GRIN2B: variants seen among roughly 807,000 people sequenced by gnomAD.
GRIN2B encodes the protein glutamate receptor ionotropic, NMDA 2B.
In GRIN2B, 5 loss-of-function variants were observed where a neutral mutation model predicts 114.5. The ratio of observed to expected loss-of-function variants is 0.04; its 90% CI spans 0.02 to 0.09. The LOEUF is 0.09. GRIN2B is among the 10% of genes least tolerant of loss of function. GRIN2B has a pLI of 1.00. For synonymous variants in GRIN2B, 787 were observed against 745.1 expected, an observed-to-expected ratio of 1.06 and a Z score of -0.92; for missense variants, 1,108 against 1,943.5, an observed-to-expected ratio of 0.57 and a Z score of 8.08.
chr12:13,772,967 T>C (rs752800673), intron 3 of GRIN2B, among the ~76,000 whole-genome samples: 1 of 152,170 alleles, frequency 6.6e-6, no homozygotes, highest in Admixed American at 6.5e-5. Flanking sequence ...CTAAGGTCCA[T>C]CCTCTGGAAG....
intron 2 of GRIN2B, among the ~76,000 whole-genome samples, chr12:13,932,652 G>A (rs1265660603): frequency 6.6e-6 from 1 of 152,148 alleles, no homozygotes; most frequent in Non-Finnish European, 1.5e-5. Flanking sequence ...TTTCTATGAT[G>A]CCTACCCTAA....
intron 3 of GRIN2B, among the ~76,000 whole-genome samples, chr12:13,824,318 T>C (rs1039246344): frequency 2.0e-5 from 3 of 152,202 alleles, no homozygotes; most frequent in African/African-American, 4.8e-5. Context: ...AAAGAATGAC[T>C]TATTATTTTT....
At chr12:13,917,090 C>A (rs1866745846) in intron 2 of GRIN2B, among the ~76,000 whole-genome samples, 1 of 152,058 alleles carries the variant, frequency 6.6e-6, no homozygotes, top group African/African-American at 2.4e-5. Context: ...ATACTGGCCC[C>A]ATTTTTATTT....
intron 3 of GRIN2B, among the ~76,000 whole-genome samples, chr12:13,822,231 A>G (rs1198461113): frequency 2.0e-5 from 3 of 152,190 alleles, no homozygotes; most frequent in African/African-American, 7.2e-5. Context: ...TATTTGGTTA[A>G]AAATAATGTT....
chr12:13,799,847 C>T (rs1864476252), intron 3 of GRIN2B, among the ~76,000 whole-genome samples: 1 of 152,010 alleles, frequency 6.6e-6, no homozygotes, highest in Non-Finnish European at 1.5e-5. Context: ...GGAGAGAATG[C>T]ATCAGGAGAA....
chr12:13,879,772 C>G (rs1212741305), intron 2 of GRIN2B, among the ~76,000 whole-genome samples: 1 of 152,214 alleles, frequency 6.6e-6, no homozygotes, highest in Non-Finnish European at 1.5e-5. Context: ...CCACTGAGGC[C>G]AAATGGAGCT....
intron 10 of GRIN2B, among the ~76,000 whole-genome samples, chr12:13,591,700 G>A (rs151110217): frequency 5.2e-4 from 79 of 152,194 alleles, no homozygotes; most frequent in African/African-American, 1.8e-3. Context: ...CTATTGATGT[G>A]GTTTCATGTG....
chr12:13,723,140 T>G (rs1411745937), intron 4 of GRIN2B, among the ~76,000 whole-genome samples: 4 of 150,156 alleles, frequency 2.7e-5, no homozygotes, highest in African/African-American at 7.3e-5. Flanking sequence ...ACCTTTTTTT[T>G]TTGTTTTTTA....
chr12:13,636,573 G>C (rs1949667937), intron 5 of GRIN2B, among the ~76,000 whole-genome samples: 1 of 152,118 alleles, frequency 6.6e-6, no homozygotes, highest in Non-Finnish European at 1.5e-5. Context: ...ATGTTTGACA[G>C]GTGGAGATAA....
intron 2 of GRIN2B, among the ~76,000 whole-genome samples, chr12:13,903,837 T>C (rs1056410254): frequency 7.2e-5 from 11 of 152,072 alleles, no homozygotes; most frequent in African/African-American, 2.7e-4. Context: ...TTTCTCATTA[T>C]ACAACTGTTA....
chr12:13,665,623 A>T (rs1267647275), intron 5 of GRIN2B, among the ~76,000 whole-genome samples: 2 of 152,188 alleles, frequency 1.3e-5, no homozygotes, highest in African/African-American at 4.8e-5. Flanking sequence ...TGGGAAAATC[A>T]TGTGACCTCT....
rs191633355 is a variant in GRIN2B at position 13,716,573 on chromosome 12, C to T, written c.1010+36744G>A. ...GGCAAGTGAAATACGAGATTGATGT[C>T]GAATTTTTCAAGAAAGATGGAAGAC... On this transcript the variant is annotated intron_variant, in intron 4 of 13. Coordinates refer to ENST00000609686, the MANE Select transcript of GRIN2B (RefSeq NM_000834.5). Among the ~76,000 whole-genome samples, 8 of 151,388 alleles carry T rather than the reference C, an allele frequency of 5.3e-5. No homozygotes were observed. The South Asian group carries it at 6.3e-4, about 12-fold the overall frequency.
intron 10 of GRIN2B, among the ~76,000 whole-genome samples, chr12:13,575,290 A>C (rs569013624): frequency 6.6e-6 from 1 of 152,336 alleles, no homozygotes; most frequent in Admixed American, 6.5e-5. Flanking sequence ...TTTGAAAATA[A>C]ATTAAAGCTA....
At chr12:13,769,585 G>A (rs1406316767) in intron 3 of GRIN2B, among the ~76,000 whole-genome samples, 1 of 152,172 alleles carries the variant, frequency 6.6e-6, no homozygotes, top group African/African-American at 2.4e-5. Flanking sequence ...AGCAAGCAGG[G>A]ACAATTTACT....
intron 3 of GRIN2B, among the ~76,000 whole-genome samples, chr12:13,811,096 C>T (rs1161424964): frequency 2.6e-5 from 4 of 152,228 alleles, no homozygotes; most frequent in African/African-American, 9.7e-5. Context: ...TGGCCAAAAA[C>T]AGAGGCCTAA....
chr12:13,825,953 ATAT>A (rs983252882), intron 3 of GRIN2B, among the ~76,000 whole-genome samples: 6 of 151,970 alleles, frequency 3.9e-5, no homozygotes, highest in Non-Finnish European at 7.4e-5. Flanking sequence ...TTTATATTTA[ATAT>A]TATTATTAAT....
intron 4 of GRIN2B, among the ~76,000 whole-genome samples, chr12:13,683,080 G>A (rs549237226): frequency 6.6e-6 from 1 of 152,100 alleles, no homozygotes; most frequent in Non-Finnish European, 1.5e-5. Flanking sequence ...CACCAAGCAG[G>A]GTCAATGTGG....
chr12:13,926,809 C>G (rs187579864), intron 2 of GRIN2B, among the ~76,000 whole-genome samples: 4 of 151,970 alleles, frequency 2.6e-5, no homozygotes, highest in Non-Finnish European at 4.4e-5. Context: ...AAAAATTAGC[C>G]GGGTATGGTG....
chr12:13,782,064 A>G (rs921402817), intron 3 of GRIN2B, among the ~76,000 whole-genome samples: 2 of 152,208 alleles, frequency 1.3e-5, no homozygotes, highest in Non-Finnish European at 1.5e-5. Context: ...CTGTAGATCA[A>G]TTATGTCAAC....
Sources: allele counts gnomAD v4.1 joint callset (sites outside exome capture counted in the v4.1 genomes callset), GRCh38; gene constraint gnomAD v4.1.1; transcripts MANE v1.5; gene names NCBI Gene and HGNC (gene_info 2026-07-23, HGNC 2026-07-21).